ABCG2: variants seen among roughly 807,000 people sequenced by gnomAD.
ABCG2 encodes ATP binding cassette subfamily G member 2 (JR blood group).
Under a neutral mutation model 73.5 loss-of-function variants are expected in ABCG2, and 80 were observed. The ratio of observed to expected loss-of-function variants is 1.09; its 90% CI spans 0.91 to 1.31. The LOEUF (loss-of-function observed/expected upper bound fraction) is 1.31. Ranked by LOEUF, ABCG2 falls within the 50% of genes most tolerant of loss-of-function variation. The probability of loss-of-function intolerance (pLI) is 0.00; values close to 1 mark genes in which losing one functional copy is unlikely to be tolerated. For missense variants in ABCG2, 796 were observed against 786.2 expected (o/e 1.01, Z -0.15); for synonymous variants, 269 against 282.4 (o/e 0.95, Z 0.48).
chr4:88,191,358 T>C (rs558652224), intron 1 of ABCG2, among the ~76,000 whole-genome samples: 8 of 151,568 alleles, frequency 5.3e-5, no homozygotes, highest in Admixed American at 1.3e-4. Context: ...AAAAGATGCT[T>C]GGCATCATTA....
intron 1 of ABCG2, among the ~76,000 whole-genome samples, chr4:88,178,593 G>A (rs550453812): frequency 1.8e-4 from 28 of 152,326 alleles, no homozygotes; most frequent in African/African-American, 6.7e-4. Context: ...TCAGCACAGT[G>A]AGGTAGAGCA....
chr4:88,231,140 T>G (rs945852549), exon 1 of ABCG2: 30 of 152,118 alleles, frequency 2.0e-4, no homozygotes, highest in African/African-American at 7.2e-4. Flanking sequence ...CGAGTATCAG[T>G]CCAGGAACTT....
At chr4:88,120,113 CATGGTT>C (rs528173267) in intron 6 of ABCG2, among the ~76,000 whole-genome samples, 15 of 152,310 alleles carry the variant, frequency 9.8e-5, no homozygotes, top group African/African-American at 2.9e-4. Context: ...ATGTTTCAGC[CATGGTT>C]AAAGGGGACC....
At chr4:88,181,557 C>T (rs1017924730) in intron 1 of ABCG2, among the ~76,000 whole-genome samples, 1 of 151,922 alleles carries the variant, frequency 6.6e-6, no homozygotes, top group Non-Finnish European at 1.5e-5. Flanking sequence ...AGAGGGAGAC[C>T]CCACACCTAC....
At chr4:88,144,548 C>T (rs941646608) in intron 1 of ABCG2, among the ~76,000 whole-genome samples, 28 of 150,804 alleles carry the variant, frequency 1.9e-4, no homozygotes, top group African/African-American at 5.6e-4. Context: ...CTCCGCCTCC[C>T]GGGTTCAAGT....
chr4:88,214,162 A>G (rs748786254), intron 1 of ABCG2, among the ~76,000 whole-genome samples: 3 of 150,472 alleles, frequency 2.0e-5, no homozygotes, highest in Non-Finnish European at 4.4e-5. Context: ...TAATTTCTGT[A>G]TTTTTTGTAG....
chr4:88,220,171 C>T lies in ABCG2; in HGVS notation c.-20+10823G>A, dbSNP rs138527589. Among the ~76,000 whole-genome samples the T allele has an allele frequency of 7.6e-3, 1,153 of 152,318 alleles. 15 individuals are homozygous for T. Among genetic ancestry groups the T allele is most frequent in the African/African-American group, 0.027 (1,116 of 41,570 alleles). ...AGAATTTTCATCCCTTTTGAGGCTG[C>T]ATAATCCTCCATTCTCTGTGTATAC... is the stretch of plus-strand genomic sequence containing the variant. On this transcript the variant is annotated intron_variant, in intron 1 of 15. Coordinates refer to the ABCG2 transcript ENST00000515655.
chr4:88,126,360 T>C (rs962646740), intron 5 of ABCG2, among the ~76,000 whole-genome samples: 11 of 152,214 alleles, frequency 7.2e-5, no homozygotes, highest in Non-Finnish European at 1.5e-4. Flanking sequence ...AAAGAGGAGC[T>C]GGTACCATTC....
At position 88,209,318 on chromosome 4, in the gene ABCG2, A is replaced by C. The variant is rs540607922; in HGVS notation, c.-20+21676T>G. Among the ~76,000 whole-genome samples, 10 of 151,650 alleles carry C rather than the reference A, an allele frequency of 6.6e-5. No individual in the cohort carries two copies. The South Asian group carries it at 1.9e-3, about 28-fold the overall frequency. On this transcript the variant is annotated intron_variant, in intron 1 of 15. Coordinates refer to the ABCG2 transcript ENST00000515655. ...GAGCGAGACTCCATCTCAAAAAAAA[A>C]AAAAAAAACAAAAAAGCAAACAAGA...
chr4:88,131,348 G>T, intron 4 of ABCG2, 135 bp from the exon 5 acceptor site: 1 of 932,086 alleles, frequency 1.1e-6, no homozygotes, highest in Non-Finnish European at 1.6e-6. Flanking sequence ...TGAACCTGCA[G>T]TTCTGCAAAT....
rs58945293 is a variant in ABCG2 at position 88,194,549 on chromosome 4, C to CAAAAAA, written c.-20+36439_-20+36444dup. ...TGGGCGACAGAGCCAGACTCCGTCT[C>CAAAAAA]AAAAAAAAAAAAAAAAAAAAAAAAA... is the stretch of plus-strand genomic sequence containing the variant. On this transcript the variant is annotated intron_variant, in intron 1 of 15. Coordinates refer to the ABCG2 transcript ENST00000515655. Among the ~76,000 whole-genome samples, 76 of 52,592 alleles carry CAAAAAA rather than the reference C, an allele frequency of 1.4e-3. 4 individuals carry two copies. Among genetic ancestry groups the CAAAAAA allele is most frequent in the Non-Finnish European group, 2.0e-3 (64 of 32,268 alleles). 34.5% of individuals were successfully genotyped at this position (52,592 alleles called of 152,430 possible).
intron 1 of ABCG2, among the ~76,000 whole-genome samples, chr4:88,229,386 C>T (rs929425688): frequency 6.6e-6 from 1 of 152,160 alleles, no homozygotes; most frequent in African/African-American, 2.4e-5. Flanking sequence ...CACCTGTAAT[C>T]CCAGCACTTT....
intron 1 of ABCG2, among the ~76,000 whole-genome samples, chr4:88,183,020 G>T (rs1464974900): frequency 6.7e-6 from 1 of 149,730 alleles, no homozygotes; most frequent in African/African-American, 2.5e-5. Context: ...AGGAGGTGGA[G>T]GTTGCAGTGA....
At chr4:88,115,234 C>CTCTCTCTCTCTCTG (rs1553933351) in intron 7 of ABCG2, among the ~76,000 whole-genome samples, 176 bp from the exon 8 acceptor site, 16,391 of 45,382 alleles carry the variant, frequency 0.36, 3,965 homozygotes, top group Non-Finnish European at 0.56. Flanking sequence ...TATATTCAGT[C>CTCTCTCTCTCTCTG]TCTCTCTCTC....
chr4:88,199,942 C>G (rs1277605003), intron 1 of ABCG2, among the ~76,000 whole-genome samples: 1 of 152,162 alleles, frequency 6.6e-6, no homozygotes, highest in African/African-American at 2.4e-5. Context: ...GCAGAGCTTG[C>G]AGTGAGCAAG....
chr4:88,114,112 G>A (rs116894666), intron 8 of ABCG2, among the ~76,000 whole-genome samples: 1,529 of 152,182 alleles, frequency 0.01, 41 homozygotes, highest in Admixed American at 0.055. Flanking sequence ...AGACCAGCCT[G>A]AGCAACGAAA....
Position 88,121,669 on chromosome 4 carries a change from T to C in ABCG2, c.655A>G (p.Ser219Gly), listed in dbSNP as rs559565993. ...AGCAAAAGGACAGCATTTGCTGTGC[T>C]TGAGTCTAAGCCAGTTGTAGGCTCA... ...LDEPTTGLDS[S>G]TANAVLLLLK... Residue 219 changes from serine (S) to glycine (G), a missense_variant, in exon 6 of 16, where the codon AGC becomes GGC. Ser to Gly is a moderately conservative substitution (Grantham distance 56). Transcript: ENST00000237612. The C allele has an allele frequency of 6.8e-6, 11 of 1,614,122 alleles. No individual in the cohort carries two copies. The East Asian group carries it at 1.8e-4, about 26-fold the overall frequency.
In ABCG2 at chr4:88,142,384, T is replaced by C. The variant is rs185351808; in HGVS notation, c.-19-2370A>G. ...TAATAAAACTGCCAAAAACCAAAGT[T>C]ATCTCCTAATAACTGTTTCTGTAAT... On this transcript the variant is annotated intron_variant, in intron 1 of 15. Transcript: ENST00000237612. Among the ~76,000 whole-genome samples the C allele has an allele frequency of 7.9e-5, 12 of 152,258 alleles. 1 individual carries two copies. The East Asian group carries it at 1.3e-3, about 17-fold the overall frequency.
chr4:88,187,388 G>A (rs1249499181), intron 1 of ABCG2, among the ~76,000 whole-genome samples: 2 of 151,974 alleles, frequency 1.3e-5, no homozygotes, highest in Non-Finnish European at 2.9e-5. Context: ...CGAGGTGGGC[G>A]GATCTCTTGA....
Sources: allele counts gnomAD v4.1 joint callset (sites outside exome capture counted in the v4.1 genomes callset), GRCh38; gene constraint gnomAD v4.1.1; transcripts MANE v1.5; gene names NCBI Gene and HGNC (gene_info 2026-07-23, HGNC 2026-07-21).